The following HCRTR2 variants were observed in gnomAD, a reference collection of about 807,000 sequenced individuals.
HCRTR2 encodes orexin receptor type 2.
Under a neutral mutation model 49.0 loss-of-function variants are expected in HCRTR2, and 22 were observed. The observed-to-expected ratio is 0.45, with a 90% CI of 0.32 to 0.64. The LOEUF (loss-of-function observed/expected upper bound fraction) is 0.64. Ranked by LOEUF, HCRTR2 falls within the 30% of genes least tolerant of loss-of-function variation. HCRTR2 has a pLI of 0.04. For synonymous variants in HCRTR2, 236 were observed against 205.3 expected (o/e 1.15, Z -1.28); for missense variants, 491 against 559.4 (o/e 0.88, Z 1.23).
chr6:55,178,294 C>G (rs1402818283), intron 1 of HCRTR2, among the ~76,000 whole-genome samples: 1 of 151,900 alleles, frequency 6.6e-6, no homozygotes, highest in Non-Finnish European at 1.5e-5. Flanking sequence ...ATCTGGTATG[C>G]TTCTGTCATA....
intron 1 of HCRTR2, among the ~76,000 whole-genome samples, chr6:55,156,925 C>T (rs1764739344): frequency 6.6e-6 from 1 of 152,116 alleles, no homozygotes; most frequent in Non-Finnish European, 1.5e-5. Flanking sequence ...CCACAGCTAA[C>T]ATCATATTTA....
chr6:55,236,844 C>T (rs1449031435), intron 1 of HCRTR2, among the ~76,000 whole-genome samples: 2 of 151,890 alleles, frequency 1.3e-5, no homozygotes, highest in Non-Finnish European at 2.9e-5. Flanking sequence ...ACCTTTAATT[C>T]GTTTTGAAAA....
chr6:55,278,500 C>T (rs1332284388), intron 5 of HCRTR2, among the ~76,000 whole-genome samples: 4 of 152,016 alleles, frequency 2.6e-5, no homozygotes, highest in Admixed American at 1.3e-4. Context: ...TATAATCAGC[C>T]GCAAAGGGTT....
At chr6:55,208,891 T>C (rs1765650697) in intron 1 of HCRTR2, among the ~76,000 whole-genome samples, 1 of 152,212 alleles carries the variant, frequency 6.6e-6, no homozygotes, top group Admixed American at 6.5e-5. Context: ...AAGCATTATT[T>C]GGGCCTTAAG....
intron 1 of HCRTR2, among the ~76,000 whole-genome samples, chr6:55,243,980 T>C (rs1366568939): frequency 6.6e-6 from 1 of 152,074 alleles, no homozygotes; most frequent in African/African-American, 2.4e-5. Flanking sequence ...TGGATACTAT[T>C]TAATTGGTTA....
intron 1 of HCRTR2, among the ~76,000 whole-genome samples, chr6:55,120,913 C>A (rs1301844051): frequency 2.0e-5 from 3 of 152,010 alleles, no homozygotes; most frequent in African/African-American, 7.2e-5. Flanking sequence ...TAGCGTGATG[C>A]CTCCAGCTTT....
At chr6:55,161,722 A>G (rs1374559554) in intron 1 of HCRTR2, among the ~76,000 whole-genome samples, 5 of 152,228 alleles carry the variant, frequency 3.3e-5, no homozygotes, top group African/African-American at 7.2e-5. Flanking sequence ...CAAATAAACT[A>G]GAAAACCTAG....
chr6:55,189,666 G>C (rs1488518069), intron 1 of HCRTR2, among the ~76,000 whole-genome samples: 1 of 152,140 alleles, frequency 6.6e-6, no homozygotes, highest in African/African-American at 2.4e-5. Flanking sequence ...AGACCATCAG[G>C]ATAAATAGCT....
intron 3 of HCRTR2, among the ~76,000 whole-genome samples, chr6:55,259,946 T>A (rs896951132): frequency 6.6e-6 from 1 of 152,146 alleles, no homozygotes; most frequent in Non-Finnish European, 1.5e-5. Context: ...GTTTCCCTAG[T>A]TATCTATTAT....
chr6:55,200,372 C>T (rs142980995), intron 1 of HCRTR2, among the ~76,000 whole-genome samples: 1,578 of 151,884 alleles, frequency 0.01, 28 homozygotes, highest in African/African-American at 0.036. Flanking sequence ...TCACGTGATT[C>T]TCCTGCCTCA....
At chr6:55,245,483 A>ATG (rs1388114757) in intron 1 of HCRTR2, among the ~76,000 whole-genome samples, 1 of 125,662 alleles carries the variant, frequency 8.0e-6, no homozygotes, top group Non-Finnish European at 1.6e-5. Context: ...ATATATATAT[A>ATG]TATATATATA....
chr6:55,151,664 C>T lies in HCRTR2; in HGVS notation c.-377-22547C>T, dbSNP rs145207884. On this transcript the variant is annotated intron_variant, in intron 1 of 7. Transcript: ENST00000615358. ...ATGTTGATATTTTGGTTTCCACCCA[C>T]GAATCACAAATGTTCTTAATGGCAC... is the stretch of plus-strand genomic sequence containing the variant. 7.0e-3 allele frequency among the ~76,000 whole-genome samples: 1,066 copies of T among 152,038 alleles called. 19 individuals are homozygous for T. The highest frequency in any genetic ancestry group is 0.024 in the African/African-American group (981 of 41,508).
intron 1 of HCRTR2, among the ~76,000 whole-genome samples, chr6:55,125,754 A>AT (rs1764266075): frequency 2.6e-5 from 4 of 152,096 alleles, no homozygotes; most frequent in African/African-American, 7.2e-5. Flanking sequence ...GTACACCAAT[A>AT]GAACGTATGT....
chr6:55,196,110 G>A (rs539551636), intron 1 of HCRTR2, among the ~76,000 whole-genome samples: 2 of 151,940 alleles, frequency 1.3e-5, no homozygotes, highest in African/African-American at 4.8e-5. Flanking sequence ...AATACTTGTC[G>A]ATCATTGTTG....
chr6:55,120,315 G>A (rs1480302076), intron 1 of HCRTR2, among the ~76,000 whole-genome samples: 1 of 151,960 alleles, frequency 6.6e-6, no homozygotes, highest in South Asian at 2.1e-4. Flanking sequence ...AGCTTGATAG[G>A]GAGAGCATTG....
downstream of HCRTR2, among the ~76,000 whole-genome samples, chr6:55,283,376 A>G (rs77217029): frequency 9.6e-3 from 1,466 of 152,242 alleles, 28 homozygotes; most frequent in African/African-American, 0.032. Context: ...AGAGCAGTGA[A>G]GCTACCAAGG....
intron 4 of HCRTR2, among the ~76,000 whole-genome samples, chr6:55,264,866 T>C (rs1766833829): frequency 6.6e-6 from 1 of 152,142 alleles, no homozygotes; most frequent in African/African-American, 2.4e-5. Context: ...ACTGAAAAGA[T>C]TTACTGGAGT....
chr6:55,280,473 C>T (rs771881340), intron 6 of HCRTR2, 29 bp downstream of exon 6: 10 of 1,610,048 alleles, frequency 6.2e-6, no homozygotes. Flanking sequence ...TTCCATAAGC[C>T]ACAATTGTAA....
rs372864594 is a variant in HCRTR2, at chr6:55,116,724, A to AAAAAAAAAC, written c.-378+10183_-378+10184insAAAACAAAA. ...ACTGTAAAGAGAGAGAGAAAAAAAA[A>AAAAAAAAAC]AAAACTCTTATTCCAGTGGCAACAG... On this transcript the variant is annotated intron_variant, in intron 1 of 7. Coordinates refer to the HCRTR2 transcript ENST00000615358. Among the ~76,000 whole-genome samples, 596 of 144,182 alleles carry AAAAAAAAAC rather than the reference A, an allele frequency of 4.1e-3. 10 individuals carry two copies. Among genetic ancestry groups the AAAAAAAAAC allele is most frequent in the African/African-American group, 0.011 (440 of 39,714 alleles). The allele number at this position is 144,182 out of a possible 152,430, so 94.6% of individuals were successfully genotyped here. A position where few individuals can be genotyped will look rare whatever the true frequency, so the allele number is the denominator to read the frequency against.
Sources: gnomAD v4.1 joint callset for allele counts (sites outside exome capture counted in the v4.1 genomes callset) on GRCh38, gnomAD v4.1.1 for gene constraint, MANE v1.5 for transcripts, NCBI Gene and HGNC (gene_info 2026-07-23, HGNC 2026-07-21) for gene names.